The following CLASRP variants were observed in gnomAD, a reference collection of about 807,000 sequenced individuals.
CLASRP encodes the protein CLK4-associating serine/arginine rich protein.
A neutral mutation model predicts 99.9 loss-of-function variants in CLASRP; 52 were observed. The ratio of observed to expected loss-of-function variants is 0.52; its 90% CI spans 0.42 to 0.66. The LOEUF (loss-of-function observed/expected upper bound fraction) is 0.66, where lower values mean the gene tolerates loss of function less well. Among genes scored for constraint, CLASRP ranks in the 30% least tolerant of loss-of-function variants. The pLI, the probability that CLASRP is intolerant of heterozygous loss-of-function variation, is 0.00. For missense variants in CLASRP, 848 were observed against 999.2 expected (o/e 0.85, Z 2.04); for synonymous variants, 379 against 373.0 (o/e 1.02, Z -0.18).
chr19:45,044,095 T>C (rs944337463), intron 2 of CLASRP, among the ~76,000 whole-genome samples: 1 of 152,210 alleles, frequency 6.6e-6, no homozygotes, highest in African/African-American at 2.4e-5. Flanking sequence ...TTGGCCAGGC[T>C]GGTCTCAAAC....
chr19:45,051,751 G>A (rs1972027132), intron 2 of CLASRP, among the ~76,000 whole-genome samples: 1 of 152,012 alleles, frequency 6.6e-6, no homozygotes, highest in Admixed American at 6.6e-5. Flanking sequence ...GGTGGATCAC[G>A]AGGTAAGGAG....
At chr19:45,054,198 A>G (rs1972079032) in intron 5 of CLASRP, among the ~76,000 whole-genome samples, 1 of 152,142 alleles carries the variant, frequency 6.6e-6, no homozygotes, top group Non-Finnish European at 1.5e-5. Flanking sequence ...TGTCTGTATT[A>G]TCATTACATC....
chr19:45,068,333 C>CCCCCCA, intron 15 of CLASRP, 87 bp from the exon 16 acceptor site: 3 of 645,630 alleles, frequency 4.6e-6, no homozygotes, highest in South Asian at 1.8e-5. Flanking sequence ...CCCCCCCCCG[C>CCCCCCA]ACAAAGCCCC....
At chr19:45,070,509 C>T (rs374164218) in intron 19 of CLASRP, 28 bp from the exon 20 acceptor site, 84 of 1,612,644 alleles carry the variant, frequency 5.2e-5, no homozygotes, top group African/African-American at 4.9e-4. Context: ...GATGTTTGCT[C>T]GCTCTTCACC....
intron 2 of CLASRP, among the ~76,000 whole-genome samples, chr19:45,045,597 G>A (rs528708258): frequency 2.0e-5 from 3 of 152,298 alleles, no homozygotes; most frequent in East Asian, 1.9e-4. Flanking sequence ...ATGAACAGCC[G>A]TGAGGAAGGC....
At chr19:45,057,245 C>T (rs750392725) in intron 6 of CLASRP, among the ~76,000 whole-genome samples, 1 of 152,208 alleles carries the variant, frequency 6.6e-6, no homozygotes, top group Non-Finnish European at 1.5e-5. Context: ...CTCAGTGACA[C>T]CTTCCCTCCT....
chr19:45,056,169 A>G (rs1216302408), intron 5 of CLASRP, among the ~76,000 whole-genome samples: 1 of 152,198 alleles, frequency 6.6e-6, no homozygotes, highest in East Asian at 1.9e-4. Flanking sequence ...AGAGTGCCCA[A>G]GTACCAGGCC....
At chr19:45,042,825 C>T (rs1971838187) in intron 2 of CLASRP, among the ~76,000 whole-genome samples, 1 of 152,088 alleles carries the variant, frequency 6.6e-6, no homozygotes, top group African/African-American at 2.4e-5. Flanking sequence ...CCATGTTGGT[C>T]AGGCTAGTCT....
intron 2 of CLASRP, among the ~76,000 whole-genome samples, chr19:45,043,521 T>C (rs1971857336): frequency 6.6e-6 from 1 of 152,032 alleles, no homozygotes; most frequent in African/African-American, 2.4e-5. Flanking sequence ...ACCCTAGGGT[T>C]GGGTCCATCA....
chr19:45,043,493 T>C (rs1439620358), intron 2 of CLASRP, among the ~76,000 whole-genome samples: 1 of 151,792 alleles, frequency 6.6e-6, no homozygotes. Flanking sequence ...GGACTAATTA[T>C]ATTTGGGTCA....
At chr19:45,062,108 G>A (rs1428238108) in intron 10 of CLASRP, 46 bp from the exon 11 acceptor site, 3 of 1,162,822 alleles carry the variant, frequency 2.6e-6, no homozygotes, top group Non-Finnish European at 3.9e-6. Flanking sequence ...CATGACTGCT[G>A]AGATCTTAAG....
intron 5 of CLASRP, among the ~76,000 whole-genome samples, chr19:45,055,496 T>C (rs924567648): frequency 3.3e-5 from 5 of 152,188 alleles, no homozygotes; most frequent in African/African-American, 1.2e-4. Flanking sequence ...CCGTGCTACA[T>C]CCCCTTCTGG....
intron 2 of CLASRP, among the ~76,000 whole-genome samples, chr19:45,051,261 C>T (rs1219665576): frequency 1.3e-5 from 2 of 152,066 alleles, no homozygotes. Flanking sequence ...ACTGGCTATG[C>T]AGAAGATTGA....
Position 45,060,395 on chromosome 19 carries a change from C to T in CLASRP, c.717C>T (p.Leu239=). 1 of 1,614,066 alleles carries T rather than the reference C, an allele frequency of 6.2e-7. No individual in the cohort carries two copies. The change falls in exon 9 of 21, where the codon CTC becomes CTT. Residue 239 remains leucine, a synonymous_variant. Transcript: ENST00000221455. The surrounding 1 kb of genome is among the most constrained non-coding windows in gnomAD (Gnocchi z 4.6). Reference sequence around the variant, plus strand: ...TTCTCACCCACCTCTATAGGATGCTCCGGAAAGACAAGGAGGAGGCAGAGG... The same window carrying T: ...TTCTCACCCACCTCTATAGGATGCTTCGGAAAGACAAGGAGGAGGCAGAGG... ...GMADGDFVRM[L]RKDKEEAEAI...
At position 45,056,442 on chromosome 19, in the gene CLASRP, T is replaced by C. The variant is rs756422067; in HGVS notation, c.380-8T>C. The C allele has an allele frequency of 6.2e-7, 1 of 1,613,806 alleles. No homozygotes were observed. The highest frequency in any genetic ancestry group is 1.7e-5 in the Admixed American group (1 of 60,014). ...CCACTCTGACCTGGGGTCTCTTGTTTGCTGCAGTCTCAGAGGAGCAGTGCC... is the reference window on the plus strand; with the variant it reads ...CCACTCTGACCTGGGGTCTCTTGTTCGCTGCAGTCTCAGAGGAGCAGTGCC... On this transcript the variant is annotated splice_region_variant and splice_polypyrimidine_tract_variant and intron_variant, in intron 5 of 20. Coordinates refer to ENST00000221455, the MANE Select transcript of CLASRP (RefSeq NM_007056.3).
At chr19:45,070,648 C>G in intron 20 of CLASRP, 87 bp downstream of exon 20, 6 of 1,361,956 alleles carry the variant, frequency 4.4e-6, no homozygotes, top group Admixed American at 3.4e-5. Flanking sequence ...CCAGCCTCAC[C>G]CTGTACCCAC....
intron 7 of CLASRP, among the ~76,000 whole-genome samples, chr19:45,058,452 C>T (rs1244887863): frequency 1.3e-5 from 2 of 152,092 alleles, no homozygotes; most frequent in Non-Finnish European, 2.9e-5. Context: ...GTGGCATGAT[C>T]TTGGCTCACT....
chr19:45,067,518 A>G lies in CLASRP; in HGVS notation c.1591A>G (p.Ser531Gly). The change falls in exon 14 of 21, where the codon AGC becomes GGC. Residue 531 changes from serine (S) to glycine (G), a missense_variant. Ser to Gly is a moderately conservative substitution (Grantham distance 56, BLOSUM62 0). This residue lies in a region of CLASRP where 489 missense variants were observed against 434.7 expected (regional missense o/e 1.12). Transcript: ENST00000221455. The surrounding 1 kb of genome is among the most constrained non-coding windows in gnomAD (Gnocchi z 4.9). ...SRSRSRSRSQSPSPSPAREKL... is the reference protein window; with the variant it reads ...SRSRSRSRSQGPSPSPAREKL... The stretch of plus-strand genomic sequence containing the variant: ...CAGCCGCAGCCGCAGCCGCAGCCAG[A>G]GCCCCTCGCCATCACCCGCAAGAGA... 1 of 1,598,950 alleles carries G rather than the reference A, an allele frequency of 6.3e-7. No individual in the cohort carries two copies.
intron 7 of CLASRP, 188 bp downstream of exon 7, chr19:45,058,086 C>T: frequency 1.5e-6 from 1 of 651,484 alleles, no homozygotes; most frequent in Non-Finnish European, 2.6e-6. Flanking sequence ...CTTCCTCTGC[C>T]TCACTCATCT....
Sources: allele counts gnomAD v4.1 joint callset (sites outside exome capture counted in the v4.1 genomes callset), GRCh38; gene constraint gnomAD v4.1.1; regional missense constraint gnomAD v4.1.1; non-coding constraint Gnocchi (gnomAD v3.1); transcripts MANE v1.5; gene names NCBI Gene and HGNC (gene_info 2026-07-23, HGNC 2026-07-21).